Variants in NME8 observed in about 807,000 individuals in gnomAD.
NME8 encodes protein NME8.
NME8 carries 72 observed loss-of-function variants against 82.3 expected under a neutral mutation model. That is an observed-to-expected ratio of 0.87 (90% CI 0.72 to 1.06). NME8 has a LOEUF of 1.06. NME8 is among the 50% of genes least tolerant of loss of function. The pLI, the probability that NME8 is intolerant of heterozygous loss-of-function variation, is 0.00. For synonymous variants in NME8, 267 were observed against 228.5 expected, an observed-to-expected ratio of 1.17 and a Z score of -1.52; for missense variants, 712 against 685.4, an observed-to-expected ratio of 1.04 and a Z score of -0.43.
At chr7:37,862,467 A>T (rs1447456689) in intron 7 of NME8, among the ~76,000 whole-genome samples, 1 of 152,194 alleles carries the variant, frequency 6.6e-6, no homozygotes, top group East Asian at 1.9e-4. Flanking sequence ...CCTGAAAGTT[A>T]GGAACCTTTG....
At chr7:37,876,022 A>G (rs1202276877) in intron 11 of NME8, among the ~76,000 whole-genome samples, 1 of 152,146 alleles carries the variant, frequency 6.6e-6, no homozygotes, top group African/African-American at 2.4e-5. Flanking sequence ...CCTGGGCAAC[A>G]TGGTGAAACT....
intron 14 of NME8, among the ~76,000 whole-genome samples, chr7:37,887,191 T>C (rs1418596699): frequency 6.6e-6 from 1 of 152,172 alleles, no homozygotes; most frequent in Admixed American, 6.6e-5. Flanking sequence ...TGCTTATTTA[T>C]AGGAAAGAAA....
Position 37,884,374 on chromosome 7 carries a change from A to C in NME8, c.1066A>C (p.Lys356Gln). 1 of 1,607,042 alleles carries C rather than the reference A, an allele frequency of 6.2e-7. No homozygotes were observed. Among genetic ancestry groups the C allele is most frequent in the Non-Finnish European group, 8.5e-7 (1 of 1,173,542 alleles). The change falls in exon 13 of 18, where the codon AAA (lysine) becomes CAA (glutamine). Residue 356 changes from lysine (K) to glutamine (Q), a missense_variant. Physicochemically the swap from Lys to Gln is moderately conservative, Grantham distance 53. Coordinates refer to ENST00000199447, the MANE Select transcript of NME8 (RefSeq NM_016616.5). ...LEQRQVVLSE[K>Q]EAQALCKEYE... is the part of the protein sequence containing the mutation. ...GCAAAGACAAGTAGTATTATCGGAA[A>C]AAGAAGCACAAGCACTGTGCAAGGA...
intron 6 of NME8, among the ~76,000 whole-genome samples, chr7:37,861,618 A>C (rs529566454): frequency 6.6e-5 from 10 of 152,318 alleles, no homozygotes; most frequent in Admixed American, 1.3e-4. Flanking sequence ...GGCACCAGTA[A>C]ACAGATGCTT....
At chr7:37,893,182 TTATC>T (rs1324577220) in intron 15 of NME8, among the ~76,000 whole-genome samples, 1 of 152,084 alleles carries the variant, frequency 6.6e-6, no homozygotes, top group Non-Finnish European at 1.5e-5. Flanking sequence ...CTTGCTGTCT[TTATC>T]TAAGAACTGT....
intron 11 of NME8, among the ~76,000 whole-genome samples, chr7:37,875,064 A>G (rs1784826682): frequency 6.6e-6 from 1 of 152,322 alleles, no homozygotes; most frequent in African/African-American, 2.4e-5. Flanking sequence ...GTAATAGGAA[A>G]GTACTGGGCC....
At chr7:37,876,229 T>TATATATAGATAGATAGATAG (rs1044568242) in intron 11 of NME8, among the ~76,000 whole-genome samples, 13 of 146,126 alleles carry the variant, frequency 8.9e-5, no homozygotes, top group African/African-American at 2.0e-4. Context: ...TATATATATA[T>TATATATAGATAGATAGATAG]ATAGATAGAT....
At position 37,862,116 on chromosome 7, in the gene NME8, T is replaced by A; in HGVS notation, c.359T>A (p.Ile120Asn). The change falls in exon 7 of 18, where the codon ATT becomes AAT. Residue 120 changes from isoleucine to asparagine, a missense_variant. Physicochemically the swap from Ile to Asn is moderately radical, Grantham distance 149. Coordinates refer to ENST00000199447, the MANE Select transcript of NME8 (RefSeq NM_016616.5). ...AATTTGATCGATGAGGAGAGAAAAA[T>A]TGCAGCAGGTGAAATGGCTCGACCT... ...VINLIDEERK[I>N]AAGEMARPQY... The A allele has an allele frequency of 6.2e-7, 1 of 1,613,082 alleles. No homozygotes were observed. The highest frequency in any genetic ancestry group is 8.5e-7 in the Non-Finnish European group (1 of 1,179,252).
At chr7:37,875,419 C>T (rs1468952949) in intron 11 of NME8, among the ~76,000 whole-genome samples, 1 of 151,752 alleles carries the variant, frequency 6.6e-6, no homozygotes, top group Non-Finnish European at 1.5e-5. Context: ...CACACACACA[C>T]CCACACAGCC....
At chr7:37,873,961 A>G (rs1380306719) in intron 11 of NME8, among the ~76,000 whole-genome samples, 1 of 152,222 alleles carries the variant, frequency 6.6e-6, no homozygotes, top group Non-Finnish European at 1.5e-5. Flanking sequence ...CTTACAAGGG[A>G]AAAATACTTG....
intron 17 of NME8, among the ~76,000 whole-genome samples, chr7:37,899,528 G>T (rs192062618): frequency 1.3e-5 from 2 of 152,190 alleles, no homozygotes; most frequent in Admixed American, 1.3e-4. Context: ...GCCTGTCGGT[G>T]GGGGCTGGGG....
intron 11 of NME8, among the ~76,000 whole-genome samples, chr7:37,874,604 TA>T (rs760304825): frequency 5.2e-4 from 78 of 151,390 alleles, no homozygotes; most frequent in Non-Finnish European, 9.3e-4. Context: ...ACCAGCAAAA[TA>T]AGGGGAAAAA....
chr7:37,883,962 T>TACACAC (rs370823045), intron 12 of NME8, among the ~76,000 whole-genome samples: 21 of 82,240 alleles, frequency 2.6e-4, no homozygotes, highest in African/African-American at 6.3e-4. Context: ...GGTTACTGTC[T>TACACAC]ACACACACAC....
intron 17 of NME8, among the ~76,000 whole-genome samples, chr7:37,898,153 C>G (rs182714005): frequency 6.6e-6 from 1 of 151,926 alleles, no homozygotes; most frequent in Non-Finnish European, 1.5e-5. Context: ...CACAGCCTCA[C>G]CAGCATCTAT....
At chr7:37,894,981 G>T (rs1340928885) in intron 16 of NME8, among the ~76,000 whole-genome samples, 1 of 151,206 alleles carries the variant, frequency 6.6e-6, no homozygotes, top group Non-Finnish European at 1.5e-5. Context: ...CCGCTGCTTC[G>T]CCAACATACT....
At chr7:37,853,595 G>C (rs1373596964) in intron 5 of NME8, among the ~76,000 whole-genome samples, 2 of 152,128 alleles carry the variant, frequency 1.3e-5, no homozygotes, top group African/African-American at 4.8e-5. Context: ...GGCAGTAGAC[G>C]TTCACATAGA....
chr7:37,883,408 C>A, intron 12 of NME8, among the ~76,000 whole-genome samples: 1 of 152,266 alleles, frequency 6.6e-6, no homozygotes, highest in South Asian at 2.1e-4. Context: ...AGTTCTGAAG[C>A]AAATTATTTC....
At chr7:37,850,600 G>T (rs1370384840) in intron 4 of NME8, 29 bp from the exon 5 acceptor site, 2 of 1,565,428 alleles carry the variant, frequency 1.3e-6, no homozygotes, top group Admixed American at 1.7e-5. Context: ...GGTAGACTTT[G>T]TTATTTCATA....
At chr7:37,878,860 T>C (rs556107452) in intron 12 of NME8, among the ~76,000 whole-genome samples, 113 of 152,294 alleles carry the variant, frequency 7.4e-4, no homozygotes, top group African/African-American at 2.3e-3. Context: ...TTAACCAATA[T>C]TGTTAAAATA....
Sources: allele counts gnomAD v4.1 joint callset (sites outside exome capture counted in the v4.1 genomes callset), GRCh38; gene constraint gnomAD v4.1.1; transcripts MANE v1.5; gene names NCBI Gene and HGNC (gene_info 2026-07-23, HGNC 2026-07-21).